Variants in NETO1 observed in about 807,000 individuals in gnomAD.
NETO1 encodes the protein neuropilin and tolloid like 1.
NETO1 carries 26 observed loss-of-function variants against 61.3 expected under a neutral mutation model. The observed-to-expected ratio is 0.42, with a 90% CI of 0.31 to 0.59. The LOEUF (loss-of-function observed/expected upper bound fraction) is 0.59, where lower values mean the gene tolerates loss of function less well. Among genes scored for constraint, NETO1 ranks in the 20% least tolerant of loss-of-function variants. NETO1 has a pLI of 0.12. For synonymous variants in NETO1, 225 were observed against 225.8 expected (o/e 1.00, Z 0.03); for missense variants, 531 against 662.8 (o/e 0.80, Z 2.18).
In NETO1 at chr18:72,743,983, G is replaced by C. The variant is rs1360360506; in HGVS notation, c.*4196C>G. On this transcript the variant is annotated 3_prime_UTR_variant, in exon 11 of 11. Transcript: ENST00000327305. ...CAGTACTTACAGATATAAAGGAGTA[G>C]TTTAACTACATGATCATACTGTTTC... The C allele has an allele frequency of 6.6e-6, 1 of 152,110 alleles. No individual in the cohort carries two copies. The highest frequency in any genetic ancestry group is 2.4e-5 in the African/African-American group (1 of 41,420). 9.4% of individuals were successfully genotyped at this position (152,110 alleles called of 1,614,324 possible). A position where few individuals can be genotyped will look rare whatever the true frequency, so the allele number is the denominator to read the frequency against.
intron 4 of NETO1, among the ~76,000 whole-genome samples, chr18:72,814,984 C>G (rs1246065440): frequency 6.6e-6 from 1 of 151,870 alleles, no homozygotes; most frequent in Non-Finnish European, 1.5e-5. Context: ...TATAAAAATA[C>G]TACAAAAACA....
intron 7 of NETO1, among the ~76,000 whole-genome samples, chr18:72,773,696 A>T (rs997069683): frequency 2.0e-5 from 3 of 152,046 alleles, no homozygotes; most frequent in African/African-American, 7.2e-5. Context: ...CTGCCCTGTG[A>T]AGAGGTGCCT....
At chr18:72,801,270 T>C (rs2072497521) in intron 4 of NETO1, among the ~76,000 whole-genome samples, 1 of 152,224 alleles carries the variant, frequency 6.6e-6, no homozygotes, top group Admixed American at 6.5e-5. Context: ...CCTCAGTAAA[T>C]AATATACTCC....
intron 7 of NETO1, among the ~76,000 whole-genome samples, chr18:72,776,047 A>G (rs186976177): frequency 1.3e-5 from 2 of 152,272 alleles, no homozygotes; most frequent in East Asian, 1.9e-4. Context: ...ATTTCCCAAA[A>G]AAACAAAAAA....
In NETO1 at chr18:72,748,131, T is replaced by C. The variant is rs1050269626; in HGVS notation, c.*48A>G. 1.0e-6 allele frequency: 1 copy of C among 978,860 alleles called. No homozygotes were observed. The highest frequency in any genetic ancestry group is 1.8e-5 in the African/African-American group (1 of 57,116). 60.6% of individuals were successfully genotyped at this position (978,860 alleles called of 1,614,324 possible). A position where few individuals can be genotyped will look rare whatever the true frequency, so the allele number is the denominator to read the frequency against. On this transcript the variant is annotated 3_prime_UTR_variant, in exon 11 of 11. Coordinates refer to ENST00000327305, the MANE Select transcript of NETO1 (RefSeq NM_138966.5). ...CACAATTCACTATAGAATTTTCTTTTCACAGTCCCCATGTTTGTATAAATA... is the reference window on the plus strand; with the variant it reads ...CACAATTCACTATAGAATTTTCTTTCCACAGTCCCCATGTTTGTATAAATA...
chr18:72,849,443 T>C (rs2145563063), intron 4 of NETO1, among the ~76,000 whole-genome samples: 1 of 152,282 alleles, frequency 6.6e-6, no homozygotes, highest in Middle Eastern at 3.4e-3. Context: ...TTCTCTACCA[T>C]GCTTCTCACT....
At position 72,794,641 on chromosome 18, in the gene NETO1, AT is replaced by A. The variant is rs554121468; in HGVS notation, c.470-238del. Among the ~76,000 whole-genome samples the A allele has an allele frequency of 5.3e-5, 8 of 152,132 alleles. No individual in the cohort carries two copies. In the East Asian group the frequency reaches 7.7e-4, roughly 15 times the overall value. Reference sequence around the variant, plus strand: ...TCTCAATACAAAAAACACTATTTAAATTTTTTTTCTAATGCCTTTCCTGCCT... The same window carrying A: ...TCTCAATACAAAAAACACTATTTAAATTTTTTTCTAATGCCTTTCCTGCCT... On this transcript the variant is annotated intron_variant, in intron 4 of 10. Transcript: ENST00000327305.
At chr18:72,760,566 G>A (rs1454420607) in intron 7 of NETO1, among the ~76,000 whole-genome samples, 1 of 152,154 alleles carries the variant, frequency 6.6e-6, no homozygotes, top group African/African-American at 2.4e-5. Context: ...TAAGTCCCTT[G>A]CATCCTGGCC....
At chr18:72,810,057 T>G (rs748521444) in intron 4 of NETO1, among the ~76,000 whole-genome samples, 1 of 152,238 alleles carries the variant, frequency 6.6e-6, no homozygotes, top group Non-Finnish European at 1.5e-5. Context: ...ATGTCACTGT[T>G]TGCAATTTAA....
intron 1 of NETO1, chr18:72,865,704 T>A: frequency 6.5e-7 from 1 of 1,537,512 alleles, no homozygotes; most frequent in Non-Finnish European, 8.8e-7. Flanking sequence ...GGCTGTATTT[T>A]AGAAAATAAA....
intron 7 of NETO1, among the ~76,000 whole-genome samples, chr18:72,760,041 T>C (rs918670177): frequency 6.6e-6 from 1 of 152,218 alleles, no homozygotes; most frequent in Admixed American, 6.5e-5. Context: ...CTATTGCTTT[T>C]TGTCACTGAA....
Position 72,746,398 on chromosome 18 carries a change from G to A in NETO1, c.*1781C>T, listed in dbSNP as rs995207389. Among the ~76,000 whole-genome samples the A allele has an allele frequency of 1.3e-5, 2 of 152,022 alleles. No individual in the cohort carries two copies. The highest frequency in any genetic ancestry group is 2.4e-5 in the African/African-American group (1 of 41,410). On this transcript the variant is annotated 3_prime_UTR_variant, in exon 11 of 11. Transcript: ENST00000327305. ...AAGGGTACATTTTATCATAAGCAAT[G>A]TGTATAAAACTATGTAGCATAACAA... is the stretch of plus-strand genomic sequence containing the variant.
chr18:72,774,260 G>A (rs1454997560), intron 7 of NETO1, among the ~76,000 whole-genome samples: 2 of 152,050 alleles, frequency 1.3e-5, no homozygotes, highest in East Asian at 3.9e-4. Context: ...TCCAGTTACT[G>A]CAAATTCATA....
intron 4 of NETO1, among the ~76,000 whole-genome samples, chr18:72,797,792 A>G (rs2072368322): frequency 6.6e-6 from 1 of 152,078 alleles, no homozygotes; most frequent in Admixed American, 6.6e-5. Context: ...CTCTCTGATC[A>G]CATTCACCTA....
At chr18:72,784,237 T>C (rs1354611420) in intron 6 of NETO1, among the ~76,000 whole-genome samples, 5 of 152,212 alleles carry the variant, frequency 3.3e-5, no homozygotes, top group Admixed American at 6.5e-5. Flanking sequence ...TTAGCAAATG[T>C]ATTTTAAGTA....
chr18:72,771,176 GA>G (rs1280264435), intron 7 of NETO1, among the ~76,000 whole-genome samples: 1 of 152,078 alleles, frequency 6.6e-6, no homozygotes, highest in Admixed American at 6.6e-5. Flanking sequence ...AAAATTATGT[GA>G]ACAAAAGGCA....
intron 7 of NETO1, among the ~76,000 whole-genome samples, chr18:72,772,248 T>C (rs539824457): frequency 2.0e-5 from 3 of 152,178 alleles, no homozygotes; most frequent in Non-Finnish European, 4.4e-5. Flanking sequence ...CTCTAACCAT[T>C]AGATCTTTAT....
intron 7 of NETO1, among the ~76,000 whole-genome samples, chr18:72,769,298 T>C (rs1452874714): frequency 6.6e-6 from 1 of 152,218 alleles, no homozygotes; most frequent in African/African-American, 2.4e-5. Flanking sequence ...AGTAAGTCAG[T>C]CATCAGTTGA....
At chr18:72,759,443 G>T (rs907241693) in intron 7 of NETO1, among the ~76,000 whole-genome samples, 12 of 151,858 alleles carry the variant, frequency 7.9e-5, no homozygotes, top group African/African-American at 2.9e-4. Context: ...ATGTTTAATC[G>T]CTCATAATGG....
Sources: gnomAD v4.1 joint callset for allele counts (sites outside exome capture counted in the v4.1 genomes callset) on GRCh38, gnomAD v4.1.1 for gene constraint, MANE v1.5 for transcripts, NCBI Gene and HGNC (gene_info 2026-07-23, HGNC 2026-07-21) for gene names.